Variants in CTNNA3 observed in about 807,000 individuals in gnomAD.
The protein encoded by CTNNA3 is catenin alpha-3.
Under a neutral mutation model 95.7 loss-of-function variants are expected in CTNNA3, and 76 were observed. That is an observed-to-expected ratio of 0.79 (90% CI 0.66 to 0.96). The LOEUF (loss-of-function observed/expected upper bound fraction) is 0.96. CTNNA3 is among the 40% of genes least tolerant of loss of function. CTNNA3 has a pLI of 0.00. For synonymous variants in CTNNA3, 431 were observed against 374.4 expected (o/e 1.15, Z -1.74); for missense variants, 1,191 against 1,089.8 (o/e 1.09, Z -1.31).
intron 15 of CTNNA3, among the ~76,000 whole-genome samples, chr10:66,065,759 C>T (rs2080300801): frequency 6.6e-6 from 1 of 152,066 alleles, no homozygotes; most frequent in Non-Finnish European, 1.5e-5. Context: ...AGCTCTAAAT[C>T]CTGTCTATAA....
At position 66,025,404 on chromosome 10, in the gene CTNNA3, T is replaced by G. The variant is rs145350462; in HGVS notation, c.2160-36607A>C. Reference sequence around the variant, plus strand: ...ATGAAAACAACCCACCCATCCTGTTTCCTGGAAAACAATGTCAAACACCCA... The same window carrying G: ...ATGAAAACAACCCACCCATCCTGTTGCCTGGAAAACAATGTCAAACACCCA... On this transcript the variant is annotated intron_variant, in intron 15 of 17. Transcript: ENST00000433211. 9.0e-3 allele frequency among the ~76,000 whole-genome samples: 1,378 copies of G among 152,314 alleles called. 22 individuals are homozygous for G. Among genetic ancestry groups the G allele is most frequent in the African/African-American group, 0.028 (1,161 of 41,580 alleles).
At chr10:66,197,459 A>G (rs1490432430) in intron 13 of CTNNA3, among the ~76,000 whole-genome samples, 4 of 152,182 alleles carry the variant, frequency 2.6e-5, no homozygotes, top group Non-Finnish European at 5.9e-5. Flanking sequence ...ATAAACCTAG[A>G]CAAACACATA....
At chr10:67,542,780 G>T (rs1589407314) in intron 3 of CTNNA3, among the ~76,000 whole-genome samples, 2 of 152,016 alleles carry the variant, frequency 1.3e-5, no homozygotes, top group East Asian at 1.9e-4. Flanking sequence ...TATTGATAAG[G>T]TATTGACAAC....
At chr10:67,740,532 T>C (rs564515683) in intron 1 of CTNNA3, among the ~76,000 whole-genome samples, 1 of 151,520 alleles carries the variant, frequency 6.6e-6, no homozygotes, top group South Asian at 2.1e-4. Context: ...AGAAGACATT[T>C]ATGCGGCCAA....
intron 17 of CTNNA3, among the ~76,000 whole-genome samples, chr10:65,955,979 G>T (rs920775589): frequency 6.6e-6 from 1 of 152,118 alleles, no homozygotes; most frequent in Admixed American, 6.5e-5. Context: ...GCTCCTCTTT[G>T]TGCCTCTGGG....
At chr10:66,277,415 G>GA (rs961324609) in intron 13 of CTNNA3, among the ~76,000 whole-genome samples, 1 of 151,982 alleles carries the variant, frequency 6.6e-6, no homozygotes, top group Non-Finnish European at 1.5e-5. Context: ...ACACTTTTTA[G>GA]ATACCTTGAA....
intron 11 of CTNNA3, among the ~76,000 whole-genome samples, chr10:66,425,597 C>T (rs948613720): frequency 6.6e-6 from 1 of 151,868 alleles, no homozygotes; most frequent in Non-Finnish European, 1.5e-5. Flanking sequence ...CTTCCTTCTC[C>T]CAAGTTCTTT....
At chr10:66,600,990 T>G (rs1422033804) in intron 10 of CTNNA3, among the ~76,000 whole-genome samples, 2 of 151,912 alleles carry the variant, frequency 1.3e-5, no homozygotes, top group Non-Finnish European at 1.5e-5. Context: ...CTAAAGCATT[T>G]TTTTTTGTTC....
chr10:67,307,123 A>G (rs908186548), intron 5 of CTNNA3, among the ~76,000 whole-genome samples: 1 of 152,232 alleles, frequency 6.6e-6, no homozygotes, highest in Admixed American at 6.5e-5. Flanking sequence ...ATGGCTGTTA[A>G]CAAGTTGCTT....
chr10:67,376,511 TG>T (rs1243543369), intron 5 of CTNNA3, among the ~76,000 whole-genome samples: 2 of 152,220 alleles, frequency 1.3e-5, no homozygotes, highest in African/African-American at 4.8e-5. Context: ...TTGGTAGAGA[TG>T]AAAGAATAGG....
intron 10 of CTNNA3, among the ~76,000 whole-genome samples, chr10:66,532,282 G>A (rs1841493549): frequency 6.6e-6 from 1 of 152,042 alleles, no homozygotes; most frequent in East Asian, 1.9e-4. Flanking sequence ...CTAACATGGT[G>A]AAACCCCGTC....
chr10:66,906,512 A>T (rs934761161), intron 7 of CTNNA3, among the ~76,000 whole-genome samples: 1 of 152,158 alleles, frequency 6.6e-6, no homozygotes. Context: ...TCAAAGGTCC[A>T]CTTCAGAGTG....
chr10:67,093,785 T>C (rs1299842436), intron 7 of CTNNA3, among the ~76,000 whole-genome samples: 1 of 152,040 alleles, frequency 6.6e-6, no homozygotes, highest in African/African-American at 2.4e-5. Context: ...ATTTTAGATT[T>C]AGTTTATTTG....
intron 13 of CTNNA3, among the ~76,000 whole-genome samples, chr10:66,114,506 A>ATG (rs1431444321): frequency 5.5e-5 from 8 of 144,210 alleles, no homozygotes; most frequent in East Asian, 2.0e-4. Flanking sequence ...GTGTGCATAT[A>ATG]TGTATATATA....
At chr10:65,969,488 A>C (rs900077250) in intron 16 of CTNNA3, among the ~76,000 whole-genome samples, 1 of 152,180 alleles carries the variant, frequency 6.6e-6, no homozygotes, top group Non-Finnish European at 1.5e-5. Context: ...AAGGAAGCTC[A>C]ATAAGATCCA....
chr10:66,127,189 G>A (rs974765864), intron 13 of CTNNA3, among the ~76,000 whole-genome samples: 1 of 149,622 alleles, frequency 6.7e-6, no homozygotes, highest in Non-Finnish European at 1.5e-5. Context: ...GGAGACTGGC[G>A]TGAACCCAGG....
At chr10:66,797,785 T>C (rs1841266760) in intron 7 of CTNNA3, among the ~76,000 whole-genome samples, 1 of 151,950 alleles carries the variant, frequency 6.6e-6, no homozygotes, top group Non-Finnish European at 1.5e-5. Context: ...GGCAGGGTTG[T>C]TCCTCAGTCA....
chr10:67,504,435 CAA>C (rs60719599), intron 5 of CTNNA3, among the ~76,000 whole-genome samples: 1 of 16,152 alleles, frequency 6.2e-5, no homozygotes, highest in African/African-American at 2.3e-4. Flanking sequence ...GACTCCATCT[CAA>C]AAAAAAAAAA....
chr10:66,198,343 G>A (rs772217298), intron 13 of CTNNA3, among the ~76,000 whole-genome samples: 2 of 152,072 alleles, frequency 1.3e-5, no homozygotes, highest in Non-Finnish European at 2.9e-5. Context: ...ACTATCGGAA[G>A]GACAACCCTT....
Sources: allele counts gnomAD v4.1 joint callset (sites outside exome capture counted in the v4.1 genomes callset), GRCh38; gene constraint gnomAD v4.1.1; transcripts MANE v1.5; gene names NCBI Gene and HGNC (gene_info 2026-07-23, HGNC 2026-07-21).